The following MARCHF8 variants were observed in gnomAD, a reference collection of about 807,000 sequenced individuals.
The protein encoded by MARCHF8 is E3 ubiquitin-protein ligase MARCHF8.
In MARCHF8, 40 loss-of-function variants were observed where a neutral mutation model predicts 51.6. That is an observed-to-expected ratio of 0.77 (90% CI 0.60 to 1.01). MARCHF8 has a LOEUF of 1.01. Among genes scored for constraint, MARCHF8 ranks in the 50% least tolerant of loss-of-function variants. The pLI is 0.00. For synonymous variants in MARCHF8, 263 were observed against 280.3 expected (o/e 0.94, Z 0.62); for missense variants, 685 against 708.6 (o/e 0.97, Z 0.38).
At chr10:45,590,754 T>C (rs888020983) in intron 1 of MARCHF8, among the ~76,000 whole-genome samples, 43 of 152,214 alleles carry the variant, frequency 2.8e-4, no homozygotes, top group Non-Finnish European at 6.3e-4. Flanking sequence ...CCAGGCGCAG[T>C]GGCTTATACC....
chr10:45,559,934 T>C (rs1354545764), intron 1 of MARCHF8, among the ~76,000 whole-genome samples: 1 of 152,136 alleles, frequency 6.6e-6, no homozygotes, highest in African/African-American at 2.4e-5. Context: ...ACGGCACCCT[T>C]CCAAGGGAGC....
intron 1 of MARCHF8, among the ~76,000 whole-genome samples, chr10:45,577,869 A>G (rs1408978215): frequency 2.0e-5 from 3 of 152,200 alleles, no homozygotes; most frequent in Non-Finnish European, 4.4e-5. Context: ...AAAAATTTTA[A>G]AAATAGCTGG....
intron 2 of MARCHF8, among the ~76,000 whole-genome samples, chr10:45,498,068 C>T (rs1395801191): frequency 1.3e-5 from 2 of 152,196 alleles, no homozygotes; most frequent in African/African-American, 4.8e-5. Flanking sequence ...TGAATGCTTA[C>T]TCCCTAAATT....
intron 1 of MARCHF8, among the ~76,000 whole-genome samples, chr10:45,546,760 T>C (rs2044127984): frequency 6.8e-6 from 1 of 148,058 alleles, no homozygotes; most frequent in Non-Finnish European, 1.5e-5. Flanking sequence ...CCAGCCTGGG[T>C]GACAGGAGGA....
chr10:45,562,366 A>G (rs1289727055), intron 1 of MARCHF8, among the ~76,000 whole-genome samples: 3 of 152,232 alleles, frequency 2.0e-5, no homozygotes, highest in Non-Finnish European at 4.4e-5. Context: ...GGTAAATCGC[A>G]AAATAAAGCC....
chr10:45,549,016 A>G (rs2044163311), intron 1 of MARCHF8, among the ~76,000 whole-genome samples: 1 of 151,514 alleles, frequency 6.6e-6, no homozygotes, highest in South Asian at 2.1e-4. Flanking sequence ...AAAAAGAAAG[A>G]AAAGAAATAG....
chr10:45,582,863 C>T (rs564241691), intron 1 of MARCHF8, among the ~76,000 whole-genome samples: 1 of 152,182 alleles, frequency 6.6e-6, no homozygotes, highest in Non-Finnish European at 1.5e-5. Flanking sequence ...TCATAGACTA[C>T]TACCTGGCTT....
intron 2 of MARCHF8, among the ~76,000 whole-genome samples, chr10:45,511,986 C>T (rs2043520645): frequency 6.7e-6 from 1 of 150,110 alleles, no homozygotes; most frequent in Admixed American, 6.6e-5. Flanking sequence ...CGGCCGCCAT[C>T]CCATCTAGGA....
rs2044550114 is a variant in MARCHF8 at position 45,581,052 on chromosome 10, A to G, written c.-79+13183T>C. The stretch of plus-strand genomic sequence containing the variant: ...AAGGCTGGGAACACGGAGAAACCAG[A>G]CAAGAGTAGGAAGACCTTAACCATG... On this transcript the variant is annotated intron_variant, in intron 1 of 6. Coordinates refer to the MARCHF8 transcript ENST00000319836. Among the ~76,000 whole-genome samples, 4 of 152,056 alleles carry G rather than the reference A, an allele frequency of 2.6e-5. No individual in the cohort carries two copies. In the South Asian group the frequency reaches 8.3e-4, roughly 31 times the overall value.
At chr10:45,513,439 T>G (rs945970690) in intron 2 of MARCHF8, among the ~76,000 whole-genome samples, 1 of 152,066 alleles carries the variant, frequency 6.6e-6, no homozygotes, top group African/African-American at 2.4e-5. Flanking sequence ...ATCCCTGCTG[T>G]TGTAGAGCTT....
intron 1 of MARCHF8, among the ~76,000 whole-genome samples, chr10:45,557,067 A>G (rs1002284580): frequency 6.7e-6 from 1 of 150,328 alleles, no homozygotes; most frequent in African/African-American, 2.5e-5. Flanking sequence ...GAATTTTTTC[A>G]TCTTGCAAAA....
chr10:45,509,829 T>A (rs1392460438), intron 2 of MARCHF8, among the ~76,000 whole-genome samples: 2 of 152,196 alleles, frequency 1.3e-5, no homozygotes, highest in African/African-American at 4.8e-5. Flanking sequence ...TATAGAGTTA[T>A]TGGCATAGCT....
chr10:45,557,926 A>G (rs2044270245), intron 1 of MARCHF8, among the ~76,000 whole-genome samples: 2 of 152,236 alleles, frequency 1.3e-5, no homozygotes, highest in African/African-American at 4.8e-5. Context: ...AAATATGCTT[A>G]TGCAGGCCTG....
chr10:45,525,941 T>C (rs2043785089), intron 2 of MARCHF8, among the ~76,000 whole-genome samples: 1 of 152,128 alleles, frequency 6.6e-6, no homozygotes, highest in South Asian at 2.1e-4. Context: ...CAAAATGTAA[T>C]ATGCTACATC....
At chr10:45,476,978 A>G (rs1437328095) in intron 3 of MARCHF8, among the ~76,000 whole-genome samples, 3 of 151,596 alleles carry the variant, frequency 2.0e-5, no homozygotes, top group Non-Finnish European at 4.4e-5. Flanking sequence ...CTTGCAAAAG[A>G]TTTAGACATC....
intron 1 of MARCHF8, among the ~76,000 whole-genome samples, chr10:45,569,048 G>C (rs1475831039): frequency 3.4e-5 from 4 of 118,698 alleles, no homozygotes; most frequent in African/African-American, 1.3e-4. Flanking sequence ...CGGGGCGACA[G>C]AGCAAGACTC....
At chr10:45,481,929 G>A (rs1005998567) in intron 3 of MARCHF8, among the ~76,000 whole-genome samples, 1 of 152,016 alleles carries the variant, frequency 6.6e-6, no homozygotes, top group African/African-American at 2.4e-5. Context: ...AAACCTAAAG[G>A]CTCCATTAGA....
intron 2 of MARCHF8, among the ~76,000 whole-genome samples, chr10:45,528,520 C>T (rs1030773902): frequency 3.3e-5 from 5 of 152,126 alleles, no homozygotes; most frequent in East Asian, 1.9e-4. Flanking sequence ...AGCACAGTGG[C>T]GCAGTCATAG....
chr10:45,521,846 G>C (rs1230903903), intron 2 of MARCHF8, among the ~76,000 whole-genome samples: 3 of 152,128 alleles, frequency 2.0e-5, no homozygotes, highest in Admixed American at 6.5e-5. Flanking sequence ...TCACCTAGAT[G>C]CATCAACTGT....
Sources: allele counts gnomAD v4.1 joint callset (sites outside exome capture counted in the v4.1 genomes callset), GRCh38; gene constraint gnomAD v4.1.1; transcripts MANE v1.5; gene names NCBI Gene and HGNC (gene_info 2026-07-23, HGNC 2026-07-21).